The following NDUFA5 variants were observed in gnomAD, a reference collection of about 807,000 sequenced individuals.
NDUFA5 encodes the protein NADH dehydrogenase [ubiquinone] 1 alpha subcomplex subunit 5.
In NDUFA5, 11 loss-of-function variants were observed where a neutral mutation model predicts 19.8. The observed-to-expected ratio is 0.56, with a 90% CI of 0.35 to 0.92. NDUFA5 has a LOEUF of 0.92. NDUFA5 is among the 40% of genes least tolerant of loss of function. The pLI, the probability that NDUFA5 is intolerant of heterozygous loss-of-function variation, is 0.01. For missense variants in NDUFA5, 109 were observed against 134.2 expected, an observed-to-expected ratio of 0.81 and a Z score of 0.93; for synonymous variants, 47 against 46.8, an observed-to-expected ratio of 1.00 and a Z score of -0.01.
the NDUFA5 span, among the ~76,000 whole-genome samples, chr7:123,591,907 T>C: frequency 1.3e-5 from 2 of 152,160 alleles, no homozygotes. Flanking sequence ...TGGTAGAATT[T>C]GGCTGTGAAT....
the NDUFA5 span, among the ~76,000 whole-genome samples, chr7:123,563,682 C>T: frequency 6.6e-6 from 1 of 152,158 alleles, no homozygotes; most frequent in South Asian, 2.1e-4. Flanking sequence ...TGCAAAATAT[C>T]TGCGAAGTAA....
chr7:123,583,027 C>T, the NDUFA5 span, among the ~76,000 whole-genome samples: 1 of 151,944 alleles, frequency 6.6e-6, no homozygotes, highest in Admixed American at 6.6e-5. Context: ...TGGCAAGCAT[C>T]ACAAACAAAT....
intron 3 of NDUFA5, chr7:123,550,019 T>C: frequency 6.4e-6 from 1 of 156,226 alleles, no homozygotes; most frequent in South Asian, 1.9e-4. Flanking sequence ...ACAATATAGT[T>C]TGGTATGAAT....
At chr7:123,571,368 G>A in the NDUFA5 span, among the ~76,000 whole-genome samples, 1 of 152,110 alleles carries the variant, frequency 6.6e-6, no homozygotes, top group Non-Finnish European at 1.5e-5. Context: ...ATGAGTTAAG[G>A]AAGAACAATA....
At chr7:123,555,654 A>C (rs1309830615) in intron 2 of NDUFA5, 1 of 152,242 alleles carries the variant, frequency 6.6e-6, no homozygotes, top group Non-Finnish European at 1.5e-5. Context: ...AATCATAGGA[A>C]GTGCAAGACA....
chr7:123,545,410 GT>G (rs1798093016), intron 4 of NDUFA5, among the ~76,000 whole-genome samples, 200 bp downstream of exon 4: 1 of 152,220 alleles, frequency 6.6e-6, no homozygotes, highest in South Asian at 2.1e-4. Context: ...TCTAACAGAA[GT>G]CTCATAAATT....
the NDUFA5 span, among the ~76,000 whole-genome samples, chr7:123,596,601 G>C: frequency 6.6e-6 from 1 of 151,998 alleles, no homozygotes; most frequent in Non-Finnish European, 1.5e-5. Context: ...GACAGAGGGA[G>C]ACCCTGTCTC....
chr7:123,568,452 T>C, the NDUFA5 span, among the ~76,000 whole-genome samples: 1 of 147,700 alleles, frequency 6.8e-6, no homozygotes, highest in Admixed American at 6.9e-5. Context: ...CCCGGGAGGG[T>C]GGAGGTTGCA....
chr7:123,569,177 A>C, the NDUFA5 span, among the ~76,000 whole-genome samples: 5 of 152,172 alleles, frequency 3.3e-5, no homozygotes, highest in African/African-American at 1.2e-4. Flanking sequence ...ACCATTAAGG[A>C]GTCATTTTGT....
At chr7:123,557,256 G>T (rs1798591551) in intron 2 of NDUFA5, 148 bp downstream of exon 2, 2 of 1,089,872 alleles carry the variant, frequency 1.8e-6, no homozygotes, top group Non-Finnish European at 2.8e-6. Context: ...AACGAAGTAG[G>T]TGGACAGCGC....
At chr7:123,557,521 A>C (rs749642930) in intron 1 of NDUFA5, 73 bp from the exon 2 acceptor site, 2 of 1,612,018 alleles carry the variant, frequency 1.2e-6, no homozygotes, top group Non-Finnish European at 1.7e-6. Flanking sequence ...AGGAAATACA[A>C]AACCACGAAT....
chr7:123,552,859 T>C (rs1452975675), intron 2 of NDUFA5, among the ~76,000 whole-genome samples: 1 of 152,102 alleles, frequency 6.6e-6, no homozygotes, highest in African/African-American at 2.4e-5. Context: ...CACAAAGCTC[T>C]CTTCAGCCCA....
the NDUFA5 span, among the ~76,000 whole-genome samples, chr7:123,584,168 G>C: frequency 3.3e-5 from 5 of 151,840 alleles, no homozygotes; most frequent in African/African-American, 1.2e-4. Context: ...AACCTTTCTT[G>C]TTAGACTTTG....
At chr7:123,546,908 G>A in intron 3 of NDUFA5, 1 of 397,440 alleles carries the variant, frequency 2.5e-6, no homozygotes, top group Non-Finnish European at 4.9e-6. Flanking sequence ...ATATGATCAA[G>A]TTAAGGATGC....
upstream of NDUFA5, chr7:123,557,889 A>T (rs1798626551): frequency 6.2e-7 from 1 of 1,606,434 alleles, no homozygotes; most frequent in South Asian, 1.1e-5. Context: ...GTCACCCTGG[A>T]AACAGCTTAG....
chr7:123,559,054 C>A (rs1383426744), upstream of NDUFA5, among the ~76,000 whole-genome samples: 2 of 151,440 alleles, frequency 1.3e-5, no homozygotes, highest in African/African-American at 4.9e-5. Flanking sequence ...AAAGGATCAA[C>A]AAAATTGGCA....
intron 2 of NDUFA5, among the ~76,000 whole-genome samples, chr7:123,553,855 T>C (rs759178884): frequency 2.0e-5 from 3 of 152,198 alleles, no homozygotes; most frequent in Admixed American, 6.5e-5. Context: ...TATTTTTCTA[T>C]AGCAGAAGAA....
chr7:123,577,001 A>C, the NDUFA5 span, among the ~76,000 whole-genome samples: 1 of 152,206 alleles, frequency 6.6e-6, no homozygotes. Flanking sequence ...TCAAACAAGA[A>C]GACTTCCTGT....
At chr7:123,565,134 T>C in the NDUFA5 span, among the ~76,000 whole-genome samples, 3 of 152,076 alleles carry the variant, frequency 2.0e-5, no homozygotes, top group African/African-American at 7.2e-5. Flanking sequence ...TCAATCCTGG[T>C]CCCAGTCCAA....
Sources: gnomAD v4.1 joint callset for allele counts (sites outside exome capture counted in the v4.1 genomes callset) on GRCh38, gnomAD v4.1.1 for gene constraint, MANE v1.5 for transcripts, NCBI Gene and HGNC (gene_info 2026-07-23, HGNC 2026-07-21) for gene names.